The following USP48 variants were observed in gnomAD, a reference collection of about 807,000 sequenced individuals.
USP48 encodes the protein ubiquitin specific peptidase 48.
Under a neutral mutation model 150.7 loss-of-function variants are expected in USP48, and 43 were observed. That is an observed-to-expected ratio of 0.29 (90% confidence interval 0.22 to 0.37). The LOEUF (loss-of-function observed/expected upper bound fraction) is 0.37. Ranked by LOEUF, USP48 falls within the 10% of genes least tolerant of loss-of-function variation. The probability of loss-of-function intolerance (pLI) is 1.00; values close to 1 mark genes in which losing one functional copy is unlikely to be tolerated. For missense variants in USP48, 813 were observed against 1,249.6 expected, an observed-to-expected ratio of 0.65 and a Z score of 5.27; for synonymous variants, 396 against 425.9, an observed-to-expected ratio of 0.93 and a Z score of 0.86.
intron 3 of USP48, 125 bp downstream of exon 3, chr1:21,756,421 C>T (rs1341526957): frequency 1.0e-5 from 12 of 1,143,668 alleles, no homozygotes; most frequent in African/African-American, 5.3e-5. Flanking sequence ...GCAGACGTTG[C>T]AGTGAACCGA....
chr1:21,702,402 T>C (rs2097659743), intron 21 of USP48, among the ~76,000 whole-genome samples: 1 of 151,984 alleles, frequency 6.6e-6, no homozygotes, highest in Non-Finnish European at 1.5e-5. Context: ...ATCCCTAATA[T>C]AATAAAAATG....
intron 6 of USP48, among the ~76,000 whole-genome samples, chr1:21,750,598 C>T (rs1262178260): frequency 1.3e-5 from 2 of 152,230 alleles, no homozygotes; most frequent in South Asian, 2.1e-4. Flanking sequence ...ATTGGCCAGG[C>T]GCGGTGGTTC....
In USP48 at chr1:21,701,548, C is replaced by T; in HGVS notation, c.2677G>A (p.Asp893Asn). 2 of 1,614,004 alleles carry T rather than the reference C, an allele frequency of 1.2e-6. No individual in the cohort carries two copies. The highest frequency in any genetic ancestry group is 1.7e-6 in the Non-Finnish European group (2 of 1,179,944). The change falls in exon 22 of 27, where the codon GAC becomes AAC. Residue 893 changes from aspartate to asparagine, a missense_variant. Physicochemically the swap from Asp to Asn is conservative, Grantham distance 23. Coordinates refer to ENST00000308271, the MANE Select transcript of USP48 (RefSeq NM_032236.8). Reference sequence around the variant, plus strand: ...CCATCTGGTTTAGCTTCTTCCTTGTCCTCCTCTGTTTCAGAACTACTCACA... The same window carrying T: ...CCATCTGGTTTAGCTTCTTCCTTGTTCTCCTCTGTTTCAGAACTACTCACA... ...LNVSSSETEE[D>N]KEEAKPDGEK...
At chr1:21,782,779 A>G (rs1011650810) in intron 1 of USP48, 45 bp downstream of exon 1, 1 of 1,492,920 alleles carries the variant, frequency 6.7e-7, no homozygotes, top group Admixed American at 2.3e-5. Flanking sequence ...GGGCTTTCCA[A>G]GGTCCGGCGC....
At chr1:21,772,394 C>T (rs758382844) in intron 1 of USP48, among the ~76,000 whole-genome samples, 4 of 151,956 alleles carry the variant, frequency 2.6e-5, no homozygotes, top group Admixed American at 6.6e-5. Context: ...GAGGCCGAGG[C>T]GGGCAGATCA....
chr1:21,704,429 A>G (rs776341145), intron 19 of USP48, 37 bp from the exon 20 acceptor site: 33 of 1,565,302 alleles, frequency 2.1e-5, no homozygotes, highest in Admixed American at 1.5e-4. Context: ...CTTAAGACAC[A>G]TGGAAATTAA....
chr1:21,753,056 T>C lies in USP48; in HGVS notation c.476A>G (p.Asn159Ser), dbSNP rs1446138849. ...TCCTGATGGATCAATGTATCGCCTA[T>C]TACTGTTTTGCAACAAGGCAAACAA... ...QYLFALLQNS[N>S]RRYIDPSGFV... is the part of the protein sequence containing the mutation. Residue 159 changes from asparagine (N) to serine (S), a missense_variant, in exon 4 of 27, where the codon AAT (asparagine) becomes AGT (serine). Transcript: ENST00000308271. 2.5e-6 allele frequency: 4 copies of C among 1,613,370 alleles called. No individual in the cohort carries two copies. Among genetic ancestry groups the C allele is most frequent in the Admixed American group, 1.7e-5 (1 of 59,864 alleles).
intron 1 of USP48, among the ~76,000 whole-genome samples, chr1:21,765,303 A>G (rs2097858986): frequency 6.6e-6 from 1 of 152,202 alleles, no homozygotes; most frequent in Non-Finnish European, 1.5e-5. Flanking sequence ...GGCCAGGGAC[A>G]CACTTTGGCA....
intron 25 of USP48, chr1:21,686,967 A>G: frequency 1.8e-6 from 1 of 552,736 alleles, no homozygotes; most frequent in Non-Finnish European, 3.2e-6. Context: ...CCACAGGCAG[A>G]GCTCACATTT....
intron 12 of USP48, among the ~76,000 whole-genome samples, chr1:21,723,053 A>C (rs2097726008): frequency 1.3e-5 from 2 of 152,182 alleles, no homozygotes; most frequent in Non-Finnish European, 2.9e-5. Context: ...TTGTGTTGGC[A>C]GCTACTCATG....
chr1:21,692,507 A>G (rs1405073254), intron 23 of USP48, among the ~76,000 whole-genome samples: 1 of 152,170 alleles, frequency 6.6e-6, no homozygotes, highest in East Asian at 1.9e-4. Context: ...AACTGGACAA[A>G]CAGCAAATAC....
At position 21,687,248 on chromosome 1, in the gene USP48, C is replaced by T; in HGVS notation, c.3010-9G>A. The stretch of plus-strand genomic sequence containing the variant: ...GCAATTGGTTCATCAGCCTAGAAAA[C>T]AAATGAAGACAATTCAAAACCACAA... On this transcript the variant is annotated splice_polypyrimidine_tract_variant and intron_variant, in intron 24 of 26. Coordinates refer to ENST00000308271, the MANE Select transcript of USP48 (RefSeq NM_032236.8). The T allele has an allele frequency of 1.9e-6, 3 of 1,611,260 alleles. No homozygotes were observed. Among genetic ancestry groups the T allele is most frequent in the Non-Finnish European group, 2.5e-6 (3 of 1,178,444 alleles).
At chr1:21,700,125 A>G in intron 22 of USP48, among the ~76,000 whole-genome samples, 1 of 151,730 alleles carries the variant, frequency 6.6e-6, no homozygotes, top group East Asian at 1.9e-4. Flanking sequence ...ACAGAGTTTA[A>G]TAAGGGCATC....
At chr1:21,698,810 G>T (rs1182700594) in intron 22 of USP48, among the ~76,000 whole-genome samples, 1 of 151,984 alleles carries the variant, frequency 6.6e-6, no homozygotes, top group African/African-American at 2.4e-5. Context: ...CAGGAGAATG[G>T]CTTGAACCTC....
rs893126014 is a variant in USP48, at chr1:21,783,056, G to A, written c.-99C>T. 3 of 1,391,130 alleles carry A rather than the reference G, an allele frequency of 2.2e-6. No homozygotes were observed. The highest frequency in any genetic ancestry group is 3.2e-5 in the South Asian group (2 of 63,232). The allele number at this position is 1,391,130 out of a possible 1,614,324, so 86.2% of individuals were successfully genotyped here. A position where few individuals can be genotyped will look rare whatever the true frequency, so the allele number is the denominator to read the frequency against. On this transcript the variant is annotated 5_prime_UTR_variant, in exon 1 of 27. Transcript: ENST00000308271. The stretch of plus-strand genomic sequence containing the variant: ...GGGCTTCGCCACCTGCCAGCAAGGA[G>A]GACCTGGCGCTCCTTCAGGCAGCTG...
intron 14 of USP48, 151 bp from the exon 15 acceptor site, chr1:21,715,608 A>G (rs2097702086): frequency 4.7e-6 from 2 of 425,008 alleles, no homozygotes; most frequent in Non-Finnish European, 8.5e-6. Context: ...GTTCTGCTAA[A>G]AAGTGTTATA....
Position 21,757,653 on chromosome 1 carries a change from G to T in USP48, c.255+10C>A. On this transcript the variant is annotated intron_variant, in intron 2 of 26. Transcript: ENST00000308271. ...AGCATATAGCAATCGCTTAAAAAAT[G>T]ATGGTTTACCTTTTTTCTCCTCTCA... The T allele has an allele frequency of 6.2e-7, 1 of 1,601,450 alleles. No individual in the cohort carries two copies. The highest frequency in any genetic ancestry group is 8.5e-7 in the Non-Finnish European group (1 of 1,176,860).
intron 3 of USP48, among the ~76,000 whole-genome samples, chr1:21,756,057 C>T (rs530017444): frequency 1.2e-3 from 175 of 151,710 alleles, no homozygotes; most frequent in African/African-American, 3.6e-3. Flanking sequence ...CCCAGCTACT[C>T]GGGAGGCTGA....
intron 1 of USP48, among the ~76,000 whole-genome samples, chr1:21,774,686 AAAAC>A (rs1474383711): frequency 6.6e-6 from 1 of 151,990 alleles, no homozygotes; most frequent in African/African-American, 2.4e-5. Flanking sequence ...ATTCTGTCTC[AAAAC>A]AAACAAACGA....
Sources: allele counts gnomAD v4.1 joint callset (sites outside exome capture counted in the v4.1 genomes callset), GRCh38; gene constraint gnomAD v4.1.1; transcripts MANE v1.5; gene names NCBI Gene and HGNC (gene_info 2026-07-23, HGNC 2026-07-21).